TRPM3: variants seen among roughly 807,000 people sequenced by gnomAD.
The protein encoded by TRPM3 is transient receptor potential cation channel subfamily M member 3.
A neutral mutation model predicts 181.2 loss-of-function variants in TRPM3; 77 were observed. The ratio of observed to expected loss-of-function variants is 0.42; its 90% CI spans 0.35 to 0.51. The LOEUF is 0.51. TRPM3 is among the 20% of genes least tolerant of loss of function. TRPM3 has a pLI of 0.01. For missense variants in TRPM3, 1,759 were observed against 2,196.7 expected (o/e 0.80, Z 3.98); for synonymous variants, 745 against 796.4 (o/e 0.94, Z 1.09).
chr9:71,255,593 A>G (rs2082623337), intron 1 of TRPM3, among the ~76,000 whole-genome samples: 1 of 152,198 alleles, frequency 6.6e-6, no homozygotes, highest in Non-Finnish European at 1.5e-5. Flanking sequence ...TTGATAAAAT[A>G]TTATTTTGCC....
chr9:70,560,451 G>A (rs1003378698), intron 22 of TRPM3, among the ~76,000 whole-genome samples: 5 of 152,202 alleles, frequency 3.3e-5, no homozygotes, highest in African/African-American at 4.8e-5. Context: ...CCTGTGCTAT[G>A]AGCTTTACGT....
intron 1 of TRPM3, among the ~76,000 whole-genome samples, chr9:71,142,369 A>G (rs1374344129): frequency 6.6e-6 from 1 of 152,196 alleles, no homozygotes; most frequent in Non-Finnish European, 1.5e-5. Flanking sequence ...TAGCTCATTT[A>G]GTAGTTATCT....
chr9:70,821,737 T>C (rs943707578), intron 6 of TRPM3, among the ~76,000 whole-genome samples: 23 of 152,224 alleles, frequency 1.5e-4, no homozygotes, highest in African/African-American at 5.5e-4. Flanking sequence ...ATTTTTTTCA[T>C]TCATAGACAC....
chr9:71,354,345 G>A (rs1044874381), intron 1 of TRPM3, among the ~76,000 whole-genome samples: 1 of 152,086 alleles, frequency 6.6e-6, no homozygotes. Context: ...TGACTTGGCA[G>A]ACCCCAAAGA....
At chr9:70,840,635 G>T (rs2094576693) in intron 5 of TRPM3, among the ~76,000 whole-genome samples, 1 of 152,252 alleles carries the variant, frequency 6.6e-6, no homozygotes, top group East Asian at 1.9e-4. Flanking sequence ...AAAAAATGAG[G>T]AGTGAAGGGA....
chr9:71,106,668 T>G (rs893842323), intron 1 of TRPM3, among the ~76,000 whole-genome samples: 3 of 152,170 alleles, frequency 2.0e-5, no homozygotes, highest in Non-Finnish European at 4.4e-5. Flanking sequence ...TGCTCACTAT[T>G]CCCTTTGCCT....
chr9:71,235,388 C>A (rs956409702), intron 1 of TRPM3, among the ~76,000 whole-genome samples: 2 of 152,128 alleles, frequency 1.3e-5, no homozygotes, highest in African/African-American at 4.8e-5. Flanking sequence ...TGTCTGTCTC[C>A]CACACTAGAC....
At chr9:71,286,246 A>T (rs2085270475) in intron 1 of TRPM3, among the ~76,000 whole-genome samples, 1 of 152,334 alleles carries the variant, frequency 6.6e-6, no homozygotes, top group Non-Finnish European at 1.5e-5. Context: ...ATCATGATTA[A>T]CAATTCAGGA....
intron 9 of TRPM3, among the ~76,000 whole-genome samples, chr9:70,672,628 T>C (rs1331735155): frequency 1.3e-5 from 2 of 152,232 alleles, no homozygotes; most frequent in African/African-American, 2.4e-5. Flanking sequence ...AAAACAAGTA[T>C]GAGATCACCC....
At position 70,843,076 on chromosome 9, in the gene TRPM3, C is replaced by T. The variant is rs772042718; in HGVS notation, c.728G>A (p.Arg243Gln). Residue 243 changes from arginine (R) to glutamine (Q), a missense_variant, in exon 5 of 26, where the codon CGA becomes CAA. Around this residue, in one of 8 missense-constraint regions of TRPM3, gnomAD observed 737 missense variants for 957.4 expected, o/e 0.77. Transcript: ENST00000677713. ...DALKDHASKS[R>Q]GKICTIGIAP... ...AATACCTATGGTGCATATCTTTCCT[C>T]GAGACTTAGAGGCATGATCCTTCAA... 9.9e-6 allele frequency: 16 copies of T among 1,613,196 alleles called. No homozygotes were observed. The highest frequency in any genetic ancestry group is 1.6e-4 in the Middle Eastern group (1 of 6,082).
intron 4 of TRPM3, among the ~76,000 whole-genome samples, chr9:70,845,816 A>T (rs72729752): frequency 6.6e-6 from 1 of 152,322 alleles, no homozygotes; most frequent in Non-Finnish European, 1.5e-5. Flanking sequence ...AACTGATTTG[A>T]GAATGCGTCT....
At chr9:70,829,124 C>A (rs6560155) in intron 5 of TRPM3, among the ~76,000 whole-genome samples, 1 of 151,940 alleles carries the variant, frequency 6.6e-6, no homozygotes, top group African/African-American at 2.4e-5. Context: ...TAAATGCTAC[C>A]GAATTTTTAT....
chr9:71,111,356 T>A (rs949718798), intron 1 of TRPM3, among the ~76,000 whole-genome samples: 62 of 152,328 alleles, frequency 4.1e-4, no homozygotes, highest in African/African-American at 1.5e-3. Flanking sequence ...CGTTAATATC[T>A]ATTTTCAAGG....
intron 1 of TRPM3, among the ~76,000 whole-genome samples, chr9:70,871,579 CT>C (rs2095790565): frequency 6.6e-6 from 1 of 151,986 alleles, no homozygotes; most frequent in African/African-American, 2.4e-5. Context: ...AGCACAGCAA[CT>C]TTTTCATGTG....
At chr9:71,421,443 G>A (rs965333837) in intron 1 of TRPM3, among the ~76,000 whole-genome samples, 1 of 151,738 alleles carries the variant, frequency 6.6e-6, no homozygotes, top group African/African-American at 2.4e-5. Context: ...ATTTACAAAG[G>A]TGTCCCTCCT....
intron 1 of TRPM3, among the ~76,000 whole-genome samples, chr9:71,313,290 T>A (rs2088166958): frequency 6.6e-6 from 1 of 152,168 alleles, no homozygotes; most frequent in Non-Finnish European, 1.5e-5. Context: ...CTTATATAAA[T>A]CATTGCTCAC....
intron 1 of TRPM3, among the ~76,000 whole-genome samples, chr9:71,368,616 A>G (rs2092414799): frequency 6.6e-6 from 1 of 152,238 alleles, no homozygotes; most frequent in African/African-American, 2.4e-5. Flanking sequence ...TTTTAATAAT[A>G]AATATCTCCA....
intron 1 of TRPM3, among the ~76,000 whole-genome samples, chr9:71,257,463 T>C (rs1382757004): frequency 1.3e-5 from 2 of 152,152 alleles, no homozygotes; most frequent in Admixed American, 6.6e-5. Flanking sequence ...GCTGGTACTA[T>C]AAGAATCTTC....
intron 1 of TRPM3, among the ~76,000 whole-genome samples, chr9:70,969,754 T>TTTTATA (rs2097220031): frequency 1.6e-5 from 1 of 60,994 alleles, no homozygotes; most frequent in African/African-American, 6.2e-5. Context: ...GACTGAATGA[T>TTTTATA]TTTATATATA....
Sources: allele counts gnomAD v4.1 joint callset (sites outside exome capture counted in the v4.1 genomes callset), GRCh38; gene constraint gnomAD v4.1.1; regional missense constraint gnomAD v4.1.1; transcripts MANE v1.5; gene names NCBI Gene and HGNC (gene_info 2026-07-23, HGNC 2026-07-21).